Variants in KIAA1328 observed in about 807,000 individuals in gnomAD.
The protein encoded by KIAA1328 is KIAA1328.
A neutral mutation model predicts 68.1 loss-of-function variants in KIAA1328; 52 were observed. The ratio of observed to expected loss-of-function variants is 0.76; its 90% CI spans 0.61 to 0.96. The LOEUF (loss-of-function observed/expected upper bound fraction) is 0.96. KIAA1328 is among the 40% of genes least tolerant of loss of function. The pLI is 0.00. For synonymous variants in KIAA1328, 232 were observed against 239.4 expected, an observed-to-expected ratio of 0.97 and a Z score of 0.28; for missense variants, 641 against 677.6, an observed-to-expected ratio of 0.95 and a Z score of 0.60.
intron 9 of KIAA1328, among the ~76,000 whole-genome samples, chr18:37,219,478 T>C (rs2060514792): frequency 6.6e-6 from 1 of 152,158 alleles, no homozygotes; most frequent in South Asian, 2.1e-4. Flanking sequence ...TGCGGTGGGC[T>C]CCACCCAGTT....
chr18:36,890,212 TTTTC>T (rs1349042034), intron 5 of KIAA1328, among the ~76,000 whole-genome samples: 4 of 150,742 alleles, frequency 2.7e-5, no homozygotes, highest in Admixed American at 2.0e-4. Context: ...ACTAGCTTTT[TTTTC>T]TTTCTTCTTC....
intron 7 of KIAA1328, among the ~76,000 whole-genome samples, chr18:37,132,788 A>G (rs1230355646): frequency 6.6e-6 from 1 of 152,208 alleles, no homozygotes; most frequent in Non-Finnish European, 1.5e-5. Flanking sequence ...CCTTTAGTTA[A>G]CTGAATGCTC....
At chr18:37,182,414 A>G (rs917426066) in intron 9 of KIAA1328, among the ~76,000 whole-genome samples, 1 of 152,206 alleles carries the variant, frequency 6.6e-6, no homozygotes, top group African/African-American at 2.4e-5. Context: ...GTGGCTTTGA[A>G]CAAATCATTT....
At chr18:36,875,406 G>C (rs2048086487) in intron 4 of KIAA1328, among the ~76,000 whole-genome samples, 1 of 152,086 alleles carries the variant, frequency 6.6e-6, no homozygotes, top group Non-Finnish European at 1.5e-5. Flanking sequence ...TGTATTCCTA[G>C]GTATTTATTC....
intron 4 of KIAA1328, among the ~76,000 whole-genome samples, chr18:36,878,228 A>G (rs997727728): frequency 3.3e-5 from 5 of 152,124 alleles, no homozygotes; most frequent in Non-Finnish European, 7.3e-5. Context: ...GGTGGTGACA[A>G]AATCTCTCAG....
chr18:37,089,371 CT>C (rs3085910), intron 7 of KIAA1328, among the ~76,000 whole-genome samples: 9,235 of 95,248 alleles, frequency 0.097, 203 homozygotes, highest in Non-Finnish European at 0.11. Flanking sequence ...AAGGTAGTGG[CT>C]TTTTTTTTTT....
chr18:36,886,272 T>A (rs1295033094), intron 5 of KIAA1328: 1 of 152,252 alleles, frequency 6.6e-6, no homozygotes, highest in East Asian at 1.9e-4. Flanking sequence ...GTTGGAACTT[T>A]ATTAAATTCT....
chr18:37,213,905 A>T (rs1202609886), intron 9 of KIAA1328, among the ~76,000 whole-genome samples: 1 of 152,170 alleles, frequency 6.6e-6, no homozygotes, highest in African/African-American at 2.4e-5. Flanking sequence ...ACCAGTGATG[A>T]TGAGCATTTT....
chr18:37,096,846 A>G (rs1175138604), intron 7 of KIAA1328, among the ~76,000 whole-genome samples: 4 of 151,980 alleles, frequency 2.6e-5, no homozygotes, highest in Non-Finnish European at 4.4e-5. Flanking sequence ...ATTTTTTCAT[A>G]TGTCTTTTGG....
intron 7 of KIAA1328, among the ~76,000 whole-genome samples, chr18:37,129,823 C>T (rs1489319063): frequency 6.6e-6 from 1 of 152,066 alleles, no homozygotes; most frequent in Non-Finnish European, 1.5e-5. Context: ...AGAGTTGATG[C>T]TATAGCTGAC....
At chr18:37,173,775 A>G (rs2059544689) in intron 9 of KIAA1328, among the ~76,000 whole-genome samples, 1 of 152,238 alleles carries the variant, frequency 6.6e-6, no homozygotes, top group African/African-American at 2.4e-5. Context: ...TGCCCAAATT[A>G]CAAGTCTCAA....
chr18:37,197,291 A>G (rs1463692976), intron 9 of KIAA1328, among the ~76,000 whole-genome samples: 1 of 151,800 alleles, frequency 6.6e-6, no homozygotes, highest in Non-Finnish European at 1.5e-5. Flanking sequence ...GTTGATCTTT[A>G]AAAATTTTTT....
downstream of KIAA1328, among the ~76,000 whole-genome samples, chr18:37,228,406 G>T (rs373926138): frequency 2.6e-5 from 4 of 152,312 alleles, no homozygotes; most frequent in South Asian, 6.2e-4. Context: ...GGTCAATTAT[G>T]TGCCAAACTT....
intron 9 of KIAA1328, among the ~76,000 whole-genome samples, chr18:37,182,562 A>G (rs1027468958): frequency 2.0e-5 from 3 of 152,174 alleles, no homozygotes; most frequent in African/African-American, 7.2e-5. Flanking sequence ...TTGTCATTAT[A>G]GAACTTCCCA....
At chr18:37,207,924 C>T (rs893721196) in intron 9 of KIAA1328, among the ~76,000 whole-genome samples, 26 of 152,322 alleles carry the variant, frequency 1.7e-4, no homozygotes, top group African/African-American at 5.8e-4. Flanking sequence ...ATTCTCCTGC[C>T]TCAGTCTCCC....
chr18:36,877,514 GTT>G (rs34759198), intron 4 of KIAA1328, among the ~76,000 whole-genome samples: 64 of 119,138 alleles, frequency 5.4e-4, no homozygotes, highest in African/African-American at 1.0e-3. Flanking sequence ...TTTTTTGTTG[GTT>G]TTTTTTTTTT....
At chr18:36,837,607 A>G (rs1376256459) in intron 3 of KIAA1328, among the ~76,000 whole-genome samples, 1 of 152,042 alleles carries the variant, frequency 6.6e-6, no homozygotes, top group Non-Finnish European at 1.5e-5. Flanking sequence ...CAGTTTATCT[A>G]GTGTTTTCTT....
chr18:37,112,291 T>C (rs1030565427), intron 7 of KIAA1328, among the ~76,000 whole-genome samples: 7 of 152,294 alleles, frequency 4.6e-5, no homozygotes, highest in Non-Finnish European at 1.0e-4. Flanking sequence ...CGACTGATAC[T>C]TCATACAGTC....
At chr18:37,121,828 T>C (rs1047522241) in intron 7 of KIAA1328, among the ~76,000 whole-genome samples, 1 of 149,526 alleles carries the variant, frequency 6.7e-6, no homozygotes, top group Non-Finnish European at 1.5e-5. Flanking sequence ...TATTTGTTAT[T>C]TAGGTGAATG....
Sources: gnomAD v4.1 joint callset for allele counts (sites outside exome capture counted in the v4.1 genomes callset) on GRCh38, gnomAD v4.1.1 for gene constraint, MANE v1.5 for transcripts, NCBI Gene and HGNC (gene_info 2026-07-23, HGNC 2026-07-21) for gene names.